The following IMMP2L variants were observed in gnomAD, a reference collection of about 807,000 sequenced individuals.
IMMP2L encodes inner mitochondrial membrane peptidase subunit 2.
Under a neutral mutation model 19.3 loss-of-function variants are expected in IMMP2L, and 18 were observed. That is an observed-to-expected ratio of 0.93 (90% CI 0.64 to 1.38). The LOEUF (loss-of-function observed/expected upper bound fraction) is 1.38, where lower values mean the gene tolerates loss of function less well. Ranked by LOEUF, IMMP2L falls within the 40% of genes most tolerant of loss-of-function variation. The pLI is 0.00. For missense variants in IMMP2L, 233 were observed against 218.2 expected, an observed-to-expected ratio of 1.07 and a Z score of -0.43; for synonymous variants, 76 against 73.0, an observed-to-expected ratio of 1.04 and a Z score of -0.21.
At chr7:111,096,649 A>T (rs746627315) in intron 3 of IMMP2L, among the ~76,000 whole-genome samples, 1 of 151,876 alleles carries the variant, frequency 6.6e-6, no homozygotes, top group African/African-American at 2.4e-5. Flanking sequence ...AAGGTCTCAA[A>T]AACTGGAAAA....
At chr7:111,189,199 A>T (rs1808601297) in intron 3 of IMMP2L, among the ~76,000 whole-genome samples, 1 of 152,126 alleles carries the variant, frequency 6.6e-6, no homozygotes, top group Non-Finnish European at 1.5e-5. Context: ...CATTCTTTAA[A>T]ACCAGTGTTT....
Position 110,788,657 on chromosome 7 carries a change from T to C in IMMP2L, c.408+97936A>G, listed in dbSNP as rs150527004. On this transcript the variant is annotated intron_variant, in intron 5 of 5. Coordinates refer to ENST00000405709, the MANE Select transcript of IMMP2L (RefSeq NM_032549.4). ...TTGACATCTCCACTTAGTCGTCTTA[T>C]AGATATCACAAATACAACAATGCCA... 3.6e-3 allele frequency among the ~76,000 whole-genome samples: 544 copies of C among 151,796 alleles called. 18 individuals are homozygous for C. Among genetic ancestry groups the C allele is most frequent in the African/African-American group, 0.012 (498 of 41,214 alleles).
In IMMP2L at chr7:111,052,521, G is replaced by A. The variant is rs1585975111; in HGVS notation, c.240-88956C>T. Among the ~76,000 whole-genome samples, 2 of 152,302 alleles carry A rather than the reference G, an allele frequency of 1.3e-5. 1 individual carries two copies. Among genetic ancestry groups the A allele is most frequent in the Admixed American group, 1.3e-4 (2 of 15,292 alleles). On this transcript the variant is annotated intron_variant, in intron 3 of 5. Coordinates refer to ENST00000405709, the MANE Select transcript of IMMP2L (RefSeq NM_032549.4). ...ATGTCCTGGAAGCTCCCCCTTCAAT[G>A]TTCTAGATGTGCTGCTTTTCCAGGC...
chr7:111,402,991 A>ACCCCCCCCCCCCCCCC (rs781654530), intron 3 of IMMP2L, among the ~76,000 whole-genome samples: 1 of 45,506 alleles, frequency 2.2e-5, no homozygotes, highest in African/African-American at 1.1e-4. Flanking sequence ...TGCAGCCTTG[A>ACCCCCCCCCCCCCCCC]CCCCCCCCCC....
chr7:111,430,898 G>T (rs1371652099), intron 3 of IMMP2L, among the ~76,000 whole-genome samples: 1 of 151,826 alleles, frequency 6.6e-6, no homozygotes, highest in Non-Finnish European at 1.5e-5. Context: ...CTTGAGGTCA[G>T]CAGTTCGAGA....
chr7:110,844,098 C>G (rs1057060523), intron 5 of IMMP2L, among the ~76,000 whole-genome samples: 1 of 152,124 alleles, frequency 6.6e-6, no homozygotes, highest in African/African-American at 2.4e-5. Flanking sequence ...GCTGAGCCAA[C>G]AGTGTGGTAA....
At chr7:110,805,261 C>A (rs187461503) in intron 5 of IMMP2L, among the ~76,000 whole-genome samples, 128 of 152,156 alleles carry the variant, frequency 8.4e-4, no homozygotes, top group African/African-American at 2.6e-3. Flanking sequence ...CTTTACCAGT[C>A]TGAAAATGGT....
chr7:111,142,579 A>G (rs1200750946), intron 3 of IMMP2L, among the ~76,000 whole-genome samples: 1 of 152,160 alleles, frequency 6.6e-6, no homozygotes, highest in Non-Finnish European at 1.5e-5. Context: ...ATTAACACCT[A>G]TCGTGAATTT....
intron 3 of IMMP2L, among the ~76,000 whole-genome samples, chr7:110,973,437 G>A (rs916499918): frequency 9.2e-5 from 14 of 151,992 alleles, no homozygotes; most frequent in African/African-American, 3.4e-4. Context: ...AGAAGCTAAA[G>A]ATTCTGACCT....
chr7:111,206,345 CTAAGATACAT>C (rs1810705105), intron 3 of IMMP2L, among the ~76,000 whole-genome samples: 1 of 152,184 alleles, frequency 6.6e-6, no homozygotes, highest in South Asian at 2.1e-4. Context: ...CTTTCCAGCA[CTAAGATACAT>C]TAAGTCCAGA....
chr7:110,987,641 C>T (rs1217532496), intron 3 of IMMP2L, among the ~76,000 whole-genome samples: 2 of 152,148 alleles, frequency 1.3e-5, no homozygotes, highest in South Asian at 2.1e-4. Flanking sequence ...GGTTTATTTA[C>T]TGCAATGTTT....
At chr7:111,371,273 C>A (rs1325768659) in intron 3 of IMMP2L, among the ~76,000 whole-genome samples, 1 of 151,974 alleles carries the variant, frequency 6.6e-6, no homozygotes, top group Admixed American at 6.6e-5. Flanking sequence ...TTCTTCATGG[C>A]TGCTACAGTA....
chr7:111,353,257 C>T (rs1015708930), intron 3 of IMMP2L, among the ~76,000 whole-genome samples: 2 of 152,092 alleles, frequency 1.3e-5, no homozygotes, highest in Non-Finnish European at 2.9e-5. Context: ...CTAAAGGGAG[C>T]TTCTATCATT....
chr7:111,096,262 T>G (rs1233853143), intron 3 of IMMP2L, among the ~76,000 whole-genome samples: 1 of 151,800 alleles, frequency 6.6e-6, no homozygotes, highest in Non-Finnish European at 1.5e-5. Flanking sequence ...CTTGCTAGCA[T>G]GTTGAGGTGC....
At chr7:110,892,278 C>G (rs1342943107) in intron 4 of IMMP2L, among the ~76,000 whole-genome samples, 1 of 152,176 alleles carries the variant, frequency 6.6e-6, no homozygotes, top group African/African-American at 2.4e-5. Context: ...CCTGAACAGA[C>G]TGGTCACAAA....
At chr7:111,040,024 G>C (rs567462879) in intron 3 of IMMP2L, among the ~76,000 whole-genome samples, 1 of 152,282 alleles carries the variant, frequency 6.6e-6, no homozygotes, top group African/African-American at 2.4e-5. Flanking sequence ...AATTAGCTGG[G>C]CGTGGTGGCA....
At chr7:111,414,891 C>CCTG (rs1270663436) in intron 3 of IMMP2L, among the ~76,000 whole-genome samples, 1 of 151,714 alleles carries the variant, frequency 6.6e-6, no homozygotes, top group Non-Finnish European at 1.5e-5. Flanking sequence ...AAGGTGGCAT[C>CCTG]CCAGATTCCT....
intron 3 of IMMP2L, among the ~76,000 whole-genome samples, chr7:111,315,057 C>T (rs944373682): frequency 2.6e-5 from 4 of 151,972 alleles, no homozygotes; most frequent in African/African-American, 7.2e-5. Context: ...AGAAAAATTC[C>T]GATTTAATTC....
intron 3 of IMMP2L, among the ~76,000 whole-genome samples, chr7:111,027,345 T>C (rs1826948880): frequency 6.6e-6 from 1 of 152,148 alleles, no homozygotes; most frequent in African/African-American, 2.4e-5. Flanking sequence ...ATTAGTGATG[T>C]TATATATTTT....
Sources: allele counts gnomAD v4.1 joint callset (sites outside exome capture counted in the v4.1 genomes callset), GRCh38; gene constraint gnomAD v4.1.1; transcripts MANE v1.5; gene names NCBI Gene and HGNC (gene_info 2026-07-23, HGNC 2026-07-21).